The following TRIO variants were observed in gnomAD, a reference collection of about 807,000 sequenced individuals.
The protein encoded by TRIO is trio Rho guanine nucleotide exchange factor.
TRIO carries 58 observed loss-of-function variants against 351.9 expected under a neutral mutation model. That is an observed-to-expected ratio of 0.16 (90% CI 0.13 to 0.21). The LOEUF (loss-of-function observed/expected upper bound fraction) is 0.21, where lower values mean the gene tolerates loss of function less well. Ranked by LOEUF, TRIO falls within the 10% of genes least tolerant of loss-of-function variation. The pLI, the probability that TRIO is intolerant of heterozygous loss-of-function variation, is 1.00. For missense variants in TRIO, 3,201 were observed against 4,027.8 expected, an observed-to-expected ratio of 0.79 and a Z score of 5.56; for synonymous variants, 1,758 against 1,595.7, an observed-to-expected ratio of 1.10 and a Z score of -2.42.
chr5:14,321,676 T>G (rs42551), intron 9 of TRIO, among the ~76,000 whole-genome samples: 1 of 152,144 alleles, frequency 6.6e-6, no homozygotes, highest in African/African-American at 2.4e-5. Context: ...TTAGGTTCCC[T>G]TGTGGACGCC....
chr5:14,429,006 CTACT>C (rs1750875653), intron 34 of TRIO, among the ~76,000 whole-genome samples: 1 of 152,184 alleles, frequency 6.6e-6, no homozygotes, highest in Admixed American at 6.5e-5. Flanking sequence ...TCAGACTTTG[CTACT>C]TAGTACACAA....
At chr5:14,321,484 G>T (rs946607518) in intron 9 of TRIO, among the ~76,000 whole-genome samples, 1 of 152,230 alleles carries the variant, frequency 6.6e-6, no homozygotes, top group African/African-American at 2.4e-5. Flanking sequence ...GTGCTTTGTG[G>T]GTGCTCACTG....
intron 1 of TRIO, among the ~76,000 whole-genome samples, chr5:14,253,346 G>A (rs1794851097): frequency 1.3e-5 from 2 of 152,172 alleles, no homozygotes; most frequent in Non-Finnish European, 2.9e-5. Flanking sequence ...ATTCTTTAGT[G>A]ATAGGATTTT....
intron 55 of TRIO, 63 bp downstream of exon 55, chr5:14,504,656 G>T: frequency 6.5e-7 from 1 of 1,547,454 alleles, no homozygotes; most frequent in East Asian, 2.3e-5. Context: ...GGGTTTTGTT[G>T]TTCCTGTTTG....
intron 1 of TRIO, among the ~76,000 whole-genome samples, chr5:14,170,791 C>T (rs560587060): frequency 1.3e-5 from 2 of 152,130 alleles, no homozygotes; most frequent in East Asian, 3.8e-4. Context: ...AGGAGTGAAC[C>T]TCTGTGCCTG....
chr5:14,390,977 G>A lies in TRIO; in HGVS notation c.4205G>A (p.Gly1402Glu). 1 of 1,606,400 alleles carries A rather than the reference G, an allele frequency of 6.2e-7. No individual in the cohort carries two copies. The highest frequency in any genetic ancestry group is 2.2e-5 in the East Asian group (1 of 44,542). Reference sequence around the variant, plus strand: ...ACTCAGCTGATATTGGAACATGCAGGGTCCTATTTTGACGTAAGTAATAGA... The same window carrying A: ...ACTCAGCTGATATTGGAACATGCAGAGTCCTATTTTGACGTAAGTAATAGA... ...DSTQLILEHA[G>E]SYFDEIQQRH... Residue 1402 changes from glycine to glutamate, a missense_variant, in exon 27 of 57, where the codon GGG becomes GAG. Transcript: ENST00000344204.
intron 56 of TRIO, among the ~76,000 whole-genome samples, chr5:14,507,474 G>A (rs1052199472): frequency 8.5e-5 from 13 of 152,204 alleles, no homozygotes; most frequent in South Asian, 4.1e-4. Context: ...GTAAAACGCC[G>A]GAGCCCTCCC....
At chr5:14,467,959 CTT>C (rs893648883) in intron 37 of TRIO, among the ~76,000 whole-genome samples, 1 of 152,060 alleles carries the variant, frequency 6.6e-6, no homozygotes, top group Non-Finnish European at 1.5e-5. Context: ...CATCCTTAAA[CTT>C]TTTTTTAAAA....
chr5:14,385,668 A>T (rs2152359301), intron 21 of TRIO, among the ~76,000 whole-genome samples: 1 of 152,312 alleles, frequency 6.6e-6, no homozygotes, highest in Middle Eastern at 3.4e-3. Flanking sequence ...AAGAGTTTTT[A>T]CTTTGTATCT....
intron 36 of TRIO, among the ~76,000 whole-genome samples, chr5:14,465,219 C>T (rs1382446416): frequency 6.6e-6 from 1 of 152,104 alleles, no homozygotes; most frequent in African/African-American, 2.4e-5. Context: ...AGAGCCTTGC[C>T]AGCACTTGCG....
chr5:14,232,788 T>C (rs997527439), intron 1 of TRIO, among the ~76,000 whole-genome samples: 2 of 152,234 alleles, frequency 1.3e-5, no homozygotes, highest in South Asian at 2.1e-4. Flanking sequence ...TACACGCATA[T>C]TGTAAAAATA....
intron 7 of TRIO, among the ~76,000 whole-genome samples, chr5:14,303,845 C>G (rs887540497): frequency 6.6e-6 from 1 of 152,188 alleles, no homozygotes; most frequent in Non-Finnish European, 1.5e-5. Flanking sequence ...TCCTAAGATT[C>G]ACAGAGAAGT....
chr5:14,170,279 TAAA>T (rs1420280599), intron 1 of TRIO, among the ~76,000 whole-genome samples: 1 of 152,184 alleles, frequency 6.6e-6, no homozygotes, highest in African/African-American at 2.4e-5. Context: ...CTTTCGTAAT[TAAA>T]AAATTCAATG....
At chr5:14,217,840 A>G (rs1364496591) in intron 1 of TRIO, among the ~76,000 whole-genome samples, 1 of 152,240 alleles carries the variant, frequency 6.6e-6, no homozygotes, top group Non-Finnish European at 1.5e-5. Context: ...CATGGCTTGC[A>G]TAAAGATTGC....
chr5:14,329,907 C>T (rs1224537328), intron 9 of TRIO, among the ~76,000 whole-genome samples: 4 of 152,168 alleles, frequency 2.6e-5, no homozygotes, highest in Non-Finnish European at 4.4e-5. Flanking sequence ...GTGGGCTTCA[C>T]GTTCTGCAAA....
At position 14,448,751 on chromosome 5, in the gene TRIO, A is replaced by AT. The variant is rs540589758; in HGVS notation, c.5204-12256dup. Among the ~76,000 whole-genome samples the AT allele has an allele frequency of 6.5e-4, 97 of 148,268 alleles. No individual in the cohort carries two copies. In the South Asian group the frequency reaches 8.7e-3, roughly 13 times the overall value. ...GTCTTTCTGGTTTCATTTATATGGA[A>AT]TTTTTTTTTTTTAAGTGTCTCTCTT... On this transcript the variant is annotated intron_variant, in intron 34 of 56. Transcript: ENST00000344204.
intron 33 of TRIO, 84 bp from the exon 34 acceptor site, chr5:14,419,694 C>T (rs1320057569): frequency 1.9e-6 from 3 of 1,561,012 alleles, no homozygotes; most frequent in Non-Finnish European, 2.6e-6. Flanking sequence ...TGGCAGGAAC[C>T]CACCTGGAGG....
chr5:14,280,796 GCCTACTTGGCAA>G (rs1735930128), intron 3 of TRIO, among the ~76,000 whole-genome samples: 1 of 152,132 alleles, frequency 6.6e-6, no homozygotes, highest in Admixed American at 6.5e-5. Flanking sequence ...ATGCATTTCT[GCCTACTTGGCAA>G]ACGTTAGTTC....
chr5:14,348,205 T>C (rs1296542074), intron 11 of TRIO, among the ~76,000 whole-genome samples: 7 of 152,252 alleles, frequency 4.6e-5, no homozygotes, highest in Admixed American at 4.6e-4. Flanking sequence ...AAAACTGACT[T>C]GAGGAGTGTG....
Sources: gnomAD v4.1 joint callset for allele counts (sites outside exome capture counted in the v4.1 genomes callset) on GRCh38, gnomAD v4.1.1 for gene constraint, MANE v1.5 for transcripts, NCBI Gene and HGNC (gene_info 2026-07-23, HGNC 2026-07-21) for gene names.